CACNA2D3: variants seen among roughly 807,000 people sequenced by gnomAD.
CACNA2D3 encodes voltage-dependent calcium channel subunit alpha-2/delta-3.
In CACNA2D3, 60 loss-of-function variants were observed where a neutral mutation model predicts 160.6. The ratio of observed to expected loss-of-function variants is 0.37; its 90% CI spans 0.30 to 0.46. The LOEUF (loss-of-function observed/expected upper bound fraction) is 0.46. Ranked by LOEUF, CACNA2D3 falls within the 20% of genes least tolerant of loss-of-function variation. The probability of loss-of-function intolerance (pLI) is 1.00; values close to 1 mark genes in which losing one functional copy is unlikely to be tolerated. For missense variants in CACNA2D3, 1,205 were observed against 1,365.0 expected (o/e 0.88, Z 1.85); for synonymous variants, 558 against 492.9 (o/e 1.13, Z -1.75).
chr3:54,674,338 A>T (rs1396139438), intron 11 of CACNA2D3, among the ~76,000 whole-genome samples: 1 of 124,664 alleles, frequency 8.0e-6, no homozygotes, highest in East Asian at 2.4e-4. Context: ...TGAGGGAGTT[A>T]AAGAGGGGAG....
At chr3:54,702,881 T>C (rs1358507336) in intron 11 of CACNA2D3, among the ~76,000 whole-genome samples, 1 of 152,230 alleles carries the variant, frequency 6.6e-6, no homozygotes, top group Admixed American at 6.5e-5. Flanking sequence ...ATACACATCA[T>C]GGAATACTAC....
intron 9 of CACNA2D3, among the ~76,000 whole-genome samples, chr3:54,591,657 G>A (rs576993732): frequency 6.8e-6 from 1 of 146,254 alleles, no homozygotes; most frequent in Non-Finnish European, 1.5e-5. Context: ...AATATAATCA[G>A]GGCCATCAGA....
At chr3:54,797,052 A>G (rs956277048) in intron 13 of CACNA2D3, among the ~76,000 whole-genome samples, 27 of 152,318 alleles carry the variant, frequency 1.8e-4, no homozygotes, top group African/African-American at 5.8e-4. Flanking sequence ...CTTTAAGATC[A>G]TCTTTCAAGT....
chr3:54,855,956 C>G (rs2106791452), intron 17 of CACNA2D3, among the ~76,000 whole-genome samples: 1 of 152,340 alleles, frequency 6.6e-6, no homozygotes. Context: ...CTCAGCCTCC[C>G]CTTCCCCCAC....
At chr3:54,954,823 G>A (rs1297806704) in intron 27 of CACNA2D3, among the ~76,000 whole-genome samples, 2 of 152,210 alleles carry the variant, frequency 1.3e-5, no homozygotes, top group Admixed American at 6.5e-5. Flanking sequence ...AAGAGCCAGG[G>A]GGTGCCAGGA....
chr3:54,325,407 G>A (rs140612766), intron 3 of CACNA2D3, among the ~76,000 whole-genome samples: 374 of 152,308 alleles, frequency 2.5e-3, no homozygotes, highest in Non-Finnish European at 3.9e-3. Context: ...TATTCTCTAG[G>A]ATGGTTTTCT....
chr3:54,541,278 G>GAA (rs141900915), intron 5 of CACNA2D3, among the ~76,000 whole-genome samples: 214 of 81,238 alleles, frequency 2.6e-3, no homozygotes, highest in Admixed American at 3.3e-3. Flanking sequence ...CTCCGTCTCA[G>GAA]AAAAAAAAAA....
chr3:54,740,809 A>T (rs4955890), intron 11 of CACNA2D3, among the ~76,000 whole-genome samples: 98,982 of 152,030 alleles, frequency 0.65, 33,748 homozygotes, highest in Admixed American at 0.77. Flanking sequence ...AATGACAAGA[A>T]CTTGGGAAAA....
At chr3:54,697,979 C>T (rs965112698) in intron 11 of CACNA2D3, among the ~76,000 whole-genome samples, 2 of 152,138 alleles carry the variant, frequency 1.3e-5, no homozygotes, top group Admixed American at 1.3e-4. Context: ...CAATATGTTA[C>T]GTTAGCAACA....
chr3:54,819,007 G>T (rs528696043), intron 14 of CACNA2D3, among the ~76,000 whole-genome samples: 118 of 152,268 alleles, frequency 7.7e-4, no homozygotes, highest in Non-Finnish European at 1.4e-3. Context: ...CCCAAAGGCT[G>T]CAAGTCTCCA....
chr3:54,213,518 A>G (rs1295362419), intron 2 of CACNA2D3, among the ~76,000 whole-genome samples: 1 of 152,138 alleles, frequency 6.6e-6, no homozygotes, highest in Non-Finnish European at 1.5e-5. Context: ...TCTGGGGAGG[A>G]TAACAGTCCT....
At chr3:54,798,857 T>C (rs986087096) in intron 13 of CACNA2D3, among the ~76,000 whole-genome samples, 2 of 152,238 alleles carry the variant, frequency 1.3e-5, no homozygotes, top group Non-Finnish European at 2.9e-5. Flanking sequence ...TCTTGGGACA[T>C]GTTCCCTGTT....
At chr3:54,588,160 T>C (rs1377868789) in intron 9 of CACNA2D3, among the ~76,000 whole-genome samples, 1 of 152,226 alleles carries the variant, frequency 6.6e-6, no homozygotes, top group Non-Finnish European at 1.5e-5. Context: ...GTAACATCCA[T>C]GTCAAATCAA....
At chr3:55,003,397 G>A (rs1703024517) in intron 31 of CACNA2D3, among the ~76,000 whole-genome samples, 1 of 152,160 alleles carries the variant, frequency 6.6e-6, no homozygotes, top group Non-Finnish European at 1.5e-5. Context: ...ACATGTGTAG[G>A]GGCAAAGAGG....
chr3:54,462,414 C>G (rs1700524216), intron 4 of CACNA2D3, among the ~76,000 whole-genome samples: 1 of 152,146 alleles, frequency 6.6e-6, no homozygotes, highest in Admixed American at 6.5e-5. Flanking sequence ...GAGTCTAAGT[C>G]TCTTTGTATG....
intron 5 of CACNA2D3, among the ~76,000 whole-genome samples, chr3:54,550,608 G>A (rs1268677860): frequency 6.6e-6 from 1 of 152,192 alleles, no homozygotes; most frequent in Non-Finnish European, 1.5e-5. Flanking sequence ...GTTTCAACAG[G>A]GAAATCAGTT....
intron 2 of CACNA2D3, among the ~76,000 whole-genome samples, chr3:54,298,498 G>C (rs1703389402): frequency 6.6e-6 from 1 of 152,144 alleles, no homozygotes; most frequent in African/African-American, 2.4e-5. Context: ...AATTCCTTAG[G>C]ATTAAGAAGG....
intron 3 of CACNA2D3, among the ~76,000 whole-genome samples, chr3:54,341,602 G>A (rs151177166): frequency 1.3e-5 from 2 of 152,164 alleles, no homozygotes; most frequent in Non-Finnish European, 2.9e-5. Flanking sequence ...CATTATTACT[G>A]CTACTAGCGT....
At chr3:54,299,503 G>A (rs963118062) in intron 2 of CACNA2D3, among the ~76,000 whole-genome samples, 1 of 152,152 alleles carries the variant, frequency 6.6e-6, no homozygotes, top group African/African-American at 2.4e-5. Flanking sequence ...TTAACCTTTT[G>A]TAGCCCATCA....
Sources: gnomAD v4.1 joint callset for allele counts (sites outside exome capture counted in the v4.1 genomes callset) on GRCh38, gnomAD v4.1.1 for gene constraint, MANE v1.5 for transcripts, NCBI Gene and HGNC (gene_info 2026-07-23, HGNC 2026-07-21) for gene names.